Variants in PPFIA1 observed in about 807,000 individuals in gnomAD.
PPFIA1 encodes liprin-alpha-1.
Under a neutral mutation model 149.9 loss-of-function variants are expected in PPFIA1, and 25 were observed. The ratio of observed to expected loss-of-function variants is 0.17; its 90% CI spans 0.12 to 0.23. PPFIA1 has a LOEUF of 0.23. PPFIA1 is among the 10% of genes least tolerant of loss of function. The probability of loss-of-function intolerance (pLI) is 1.00; values close to 1 mark genes in which losing one functional copy is unlikely to be tolerated. For missense variants in PPFIA1, 1,362 were observed against 1,506.5 expected, an observed-to-expected ratio of 0.90 and a Z score of 1.59; for synonymous variants, 549 against 552.8, an observed-to-expected ratio of 0.99 and a Z score of 0.10.
intron 21 of PPFIA1, among the ~76,000 whole-genome samples, chr11:70,363,950 C>G (rs2135259091): frequency 6.6e-6 from 1 of 152,248 alleles, no homozygotes; most frequent in South Asian, 2.1e-4. Context: ...GTCTGGAACT[C>G]CTGGGCTCAA....
chr11:70,325,689 T>A (rs2054224312), intron 5 of PPFIA1, 115 bp downstream of exon 5: 2 of 777,902 alleles, frequency 2.6e-6, no homozygotes, highest in Admixed American at 4.7e-5. Flanking sequence ...CCCAGCACTT[T>A]GGGAGACCGA....
At chr11:70,349,489 C>T (rs2137245607) in intron 16 of PPFIA1, among the ~76,000 whole-genome samples, 1 of 152,182 alleles carries the variant, frequency 6.6e-6, no homozygotes, top group African/African-American at 2.4e-5. Context: ...ACCAAACTAT[C>T]TTGTATATTT....
chr11:70,371,395 GTGGATTGTTCTATATTCTGTTGTTGA>G, intron 21 of PPFIA1: 2 of 67,462 alleles, frequency 3.0e-5, no homozygotes, highest in African/African-American at 5.3e-5. Context: ...CTGTTGTTTG[GTGGATTGTTCTATATTCTGTTGTTGA>G]GTGGCGTGTT....
At chr11:70,360,797 T>C (rs1033170601) in intron 19 of PPFIA1, among the ~76,000 whole-genome samples, 17 of 152,278 alleles carry the variant, frequency 1.1e-4, no homozygotes, top group African/African-American at 2.7e-4. Context: ...GATTCTATGG[T>C]ATATGTCTTA....
At chr11:70,326,025 G>A (rs1314102440) in intron 5 of PPFIA1, among the ~76,000 whole-genome samples, 1 of 151,966 alleles carries the variant, frequency 6.6e-6, no homozygotes, top group Admixed American at 6.5e-5. Context: ...CAGCCTATCT[G>A]AGTCATTTTA....
intron 14 of PPFIA1, among the ~76,000 whole-genome samples, chr11:70,340,786 G>A (rs546554733): frequency 1.1e-4 from 16 of 151,474 alleles, no homozygotes; most frequent in African/African-American, 2.7e-4. Context: ...TGAACATTTC[G>A]TAGTTCACAG....
chr11:70,347,464 G>A (rs1172378477), intron 15 of PPFIA1, among the ~76,000 whole-genome samples: 1 of 152,170 alleles, frequency 6.6e-6, no homozygotes, highest in African/African-American at 2.4e-5. Flanking sequence ...TTTGGGAGGA[G>A]GCTGAGGTTG....
intron 21 of PPFIA1, chr11:70,364,737 G>A (rs1251674440): frequency 6.6e-6 from 1 of 152,152 alleles, no homozygotes; most frequent in African/African-American, 2.4e-5. Context: ...GAAAATGAAG[G>A]TGCTGAGTGG....
intron 16 of PPFIA1, among the ~76,000 whole-genome samples, chr11:70,353,760 T>C (rs1334412964): frequency 6.6e-6 from 1 of 152,194 alleles, no homozygotes; most frequent in Non-Finnish European, 1.5e-5. Context: ...TACACATGTG[T>C]ATGGGGGTCA....
At chr11:70,272,547 A>G in intron 2 of PPFIA1, 111 bp downstream of exon 2, 1 of 1,280,706 alleles carries the variant, frequency 7.8e-7, no homozygotes, top group Non-Finnish European at 1.1e-6. Context: ...CGATTTGTGA[A>G]ATGATAGTTT....
intron 2 of PPFIA1, among the ~76,000 whole-genome samples, chr11:70,296,167 G>A (rs536082400): frequency 6.6e-6 from 1 of 151,696 alleles, no homozygotes; most frequent in African/African-American, 2.4e-5. Flanking sequence ...ATGGGATGGC[G>A]GCCAGGCAGA....
rs769172797 is a variant in PPFIA1 at position 70,335,616 on chromosome 11, T to G, written c.1350T>G (p.Thr450=). 6.2e-7 allele frequency: 1 copy of G among 1,614,080 alleles called. No homozygotes were observed. The highest frequency in any genetic ancestry group is 1.1e-5 in the South Asian group (1 of 91,082). The change falls in exon 11 of 28, where the codon ACT becomes ACG. Residue 450 remains threonine (T), a synonymous_variant. Coordinates refer to ENST00000253925, the MANE Select transcript of PPFIA1 (RefSeq NM_003626.5). ...NEEHNKRLSD[T]VDKLLSESNE... ...AACATAATAAACGTTTATCAGACAC[T>G]GTTGACAAGCTGCTTTCAGAATCTA...
intron 9 of PPFIA1, 150 bp downstream of exon 9, chr11:70,332,244 G>A: frequency 9.8e-7 from 1 of 1,015,398 alleles, no homozygotes; most frequent in East Asian, 2.8e-5. Flanking sequence ...TCTGAGATTG[G>A]AACACTTTGT....
At chr11:70,282,159 G>A (rs974187918) in intron 2 of PPFIA1, among the ~76,000 whole-genome samples, 1 of 152,168 alleles carries the variant, frequency 6.6e-6, no homozygotes, top group Non-Finnish European at 1.5e-5. Flanking sequence ...CCCAGCGGGA[G>A]ACACAGCCCT....
At chr11:70,362,844 T>C (rs905703219) in intron 21 of PPFIA1, 1 of 175,528 alleles carries the variant, frequency 5.7e-6, no homozygotes, top group African/African-American at 2.4e-5. Flanking sequence ...CAGGCTGGTC[T>C]TGCACTCCTG....
At chr11:70,375,340 G>C (rs1387536222) in intron 24 of PPFIA1, 2 of 330,146 alleles carry the variant, frequency 6.1e-6, no homozygotes, top group Non-Finnish European at 1.1e-5. Context: ...GATCAGAAGA[G>C]TGACATATAT....
chr11:70,320,553 C>T (rs560147049), intron 2 of PPFIA1, among the ~76,000 whole-genome samples: 5 of 151,490 alleles, frequency 3.3e-5, no homozygotes, highest in East Asian at 1.9e-4. Flanking sequence ...CCTGAGTAGC[C>T]GGGTCTATGC....
At chr11:70,316,819 T>C (rs1052043724) in intron 2 of PPFIA1, among the ~76,000 whole-genome samples, 3 of 152,272 alleles carry the variant, frequency 2.0e-5, no homozygotes, top group African/African-American at 7.2e-5. Flanking sequence ...GAAATTGACC[T>C]GATTGTGGCT....
At chr11:70,377,276 A>G (rs747657072) in intron 25 of PPFIA1, among the ~76,000 whole-genome samples, 15 of 152,098 alleles carry the variant, frequency 9.9e-5, no homozygotes, top group Non-Finnish European at 1.8e-4. Flanking sequence ...TCCAGAGTGT[A>G]CCCCCATACT....
Sources: gnomAD v4.1 joint callset for allele counts (sites outside exome capture counted in the v4.1 genomes callset) on GRCh38, gnomAD v4.1.1 for gene constraint, MANE v1.5 for transcripts, NCBI Gene and HGNC (gene_info 2026-07-23, HGNC 2026-07-21) for gene names.